The following UXS1 variants were observed in gnomAD, a reference collection of about 807,000 sequenced individuals.
UXS1 encodes the protein UDP-glucuronate decarboxylase 1.
A neutral mutation model predicts 62.6 loss-of-function variants in UXS1; 33 were observed. The ratio of observed to expected loss-of-function variants is 0.53; its 90% confidence interval spans 0.40 to 0.70. UXS1 has a LOEUF of 0.70. Among genes scored for constraint, UXS1 ranks in the 30% least tolerant of loss-of-function variants. The probability of loss-of-function intolerance (pLI) is 0.00; values close to 1 mark genes in which losing one functional copy is unlikely to be tolerated. For synonymous variants in UXS1, 213 were observed against 206.8 expected, an observed-to-expected ratio of 1.03 and a Z score of -0.26; for missense variants, 434 against 556.3, an observed-to-expected ratio of 0.78 and a Z score of 2.21.
chr2:106,155,368 T>C (rs1343351046), intron 5 of UXS1, among the ~76,000 whole-genome samples: 1 of 152,194 alleles, frequency 6.6e-6, no homozygotes, highest in African/African-American at 2.4e-5. Context: ...TTCTTTAGGC[T>C]GAAAGCAAGT....
intron 7 of UXS1, 23 bp from the exon 8 acceptor site, chr2:106,125,702 A>G: frequency 6.4e-7 from 1 of 1,552,094 alleles, no homozygotes; most frequent in Non-Finnish European, 8.7e-7. Flanking sequence ...ATGACATGAT[A>G]AAAGAGACTG....
chr2:106,194,026 C>CCGGGGCGGGGAGCAACG, intron 1 of UXS1, 122 bp downstream of exon 1: 1 of 668,700 alleles, frequency 1.5e-6, no homozygotes, highest in Non-Finnish European at 2.1e-6. Context: ...CCGGCCCCGC[C>CCGGGGCGGGGAGCAACG]CGGGGCGGGG....
chr2:106,155,510 G>A (rs1247765844), intron 5 of UXS1, among the ~76,000 whole-genome samples: 1 of 152,198 alleles, frequency 6.6e-6, no homozygotes, highest in Non-Finnish European at 1.5e-5. Flanking sequence ...TCCATTTGTG[G>A]TAAGTGGCCT....
At chr2:106,105,719 T>C (rs534596027) in intron 10 of UXS1, among the ~76,000 whole-genome samples, 2 of 152,314 alleles carry the variant, frequency 1.3e-5, no homozygotes, top group African/African-American at 4.8e-5. Context: ...CTGAATGACC[T>C]GCGGAGCGCC....
chr2:106,181,248 C>A (rs1306734610), intron 1 of UXS1, among the ~76,000 whole-genome samples: 1 of 152,202 alleles, frequency 6.6e-6, no homozygotes, highest in Non-Finnish European at 1.5e-5. Flanking sequence ...TTCTTCCCCG[C>A]TGCCAATCAC....
Position 106,104,855 on chromosome 2 carries a change from G to C in UXS1, c.880-18C>G, listed in dbSNP as rs763397699. On this transcript the variant is annotated intron_variant, in intron 10 of 14. Coordinates refer to ENST00000283148, the MANE Select transcript of UXS1 (RefSeq NM_001253875.2). ...CCGTATACCTGGAAGGAAACCAACAGTTAGGCCTCCTGATAAAACCACACC... is the reference window on the plus strand; with the variant it reads ...CCGTATACCTGGAAGGAAACCAACACTTAGGCCTCCTGATAAAACCACACC... 20 of 1,613,784 alleles carry C rather than the reference G, an allele frequency of 1.2e-5. No homozygotes were observed. In the South Asian group the frequency reaches 2.2e-4, roughly 18 times the overall value.
chr2:106,095,741 G>A (rs1677024828), intron 14 of UXS1, among the ~76,000 whole-genome samples: 1 of 152,208 alleles, frequency 6.6e-6, no homozygotes, highest in Non-Finnish European at 1.5e-5. Context: ...CCAGGCAGAG[G>A]TGACAGTAAA....
chr2:106,127,527 T>G (rs931085566), intron 7 of UXS1, among the ~76,000 whole-genome samples: 9 of 152,164 alleles, frequency 5.9e-5, no homozygotes, highest in African/African-American at 2.2e-4. Flanking sequence ...GAGACAACTG[T>G]CAGGGAGTGA....
intron 1 of UXS1, among the ~76,000 whole-genome samples, chr2:106,190,822 A>G (rs1684878366): frequency 6.6e-6 from 1 of 151,780 alleles, no homozygotes; most frequent in Admixed American, 6.6e-5. Flanking sequence ...TTGGCCCTGC[A>G]GAAGCTATTT....
chr2:106,116,581 T>G (rs1679079184), intron 9 of UXS1, among the ~76,000 whole-genome samples: 1 of 152,216 alleles, frequency 6.6e-6, no homozygotes, highest in Admixed American at 6.5e-5. Context: ...CTTGGACTAG[T>G]TCATTAACCC....
intron 1 of UXS1, among the ~76,000 whole-genome samples, chr2:106,178,795 G>A (rs1684066057): frequency 1.7e-5 from 2 of 118,684 alleles, no homozygotes; most frequent in African/African-American, 6.5e-5. Context: ...TCCATCACCT[G>A]CGGCAAGCTG....
rs1681033522 is a variant in UXS1 at position 106,140,747 on chromosome 2, T to C, written c.472+4443A>G. 1.3e-5 allele frequency among the ~76,000 whole-genome samples: 2 copies of C among 152,222 alleles called. 1 individual carries two copies. The highest frequency in any genetic ancestry group is 4.1e-4 in the South Asian group (2 of 4,834). On this transcript the variant is annotated intron_variant, in intron 6 of 14. Transcript: ENST00000283148. ...AGCGATTAGAATAGCATTTGGAATA[T>C]AGTTAAGTGTTAGCTATGGTCACTT...
intron 5 of UXS1, among the ~76,000 whole-genome samples, chr2:106,152,557 AGAAAGGAAG>A (rs56392949): frequency 0.32 from 47,402 of 147,786 alleles, 8,180 homozygotes; most frequent in Non-Finnish European, 0.38. Flanking sequence ...AAAGGGAGAA[AGAAAGGAAG>A]GAAAGGAAGG....
At chr2:106,152,324 C>T (rs1308325409) in intron 5 of UXS1, among the ~76,000 whole-genome samples, 1 of 151,996 alleles carries the variant, frequency 6.6e-6, no homozygotes, top group Non-Finnish European at 1.5e-5. Context: ...TGGTGGAGCA[C>T]ACCTGTAATC....
chr2:106,127,162 G>A (rs958062590), intron 7 of UXS1, among the ~76,000 whole-genome samples: 6 of 152,138 alleles, frequency 3.9e-5, no homozygotes, highest in African/African-American at 1.4e-4. Context: ...CATTCTGGTT[G>A]CTTCTCATTT....
At position 106,158,105 on chromosome 2, in the gene UXS1, AT is replaced by A; in HGVS notation, c.243del (p.Lys81AsnfsTer5). ...TCTGATAAAAACTTTACTGGTGGGT[AT>A]TTCTGGGTAAAGCTGTATAATATAA... ...IRDLEKSFTQ[K>X]YPPVKFLSEK... is the part of the protein sequence containing the mutation. On this transcript the variant is annotated frameshift_variant, in exon 5 of 15. Transcript: ENST00000283148. LOFTEE classifies it high-confidence loss of function. The A allele has an allele frequency of 6.4e-7, 1 of 1,564,968 alleles. No individual in the cohort carries two copies. Among genetic ancestry groups the A allele is most frequent in the Non-Finnish European group, 8.7e-7 (1 of 1,153,462 alleles).
chr2:106,107,989 C>A (rs556429937), intron 10 of UXS1, among the ~76,000 whole-genome samples: 1 of 152,340 alleles, frequency 6.6e-6, no homozygotes, highest in Admixed American at 6.5e-5. Flanking sequence ...AGGCGTGGAT[C>A]CCGTGGGACG....
At chr2:106,139,834 GTTCT>G (rs569771999) in intron 6 of UXS1, among the ~76,000 whole-genome samples, 1 of 152,174 alleles carries the variant, frequency 6.6e-6, no homozygotes, top group East Asian at 1.9e-4. Flanking sequence ...CAGTGGGTTA[GTTCT>G]TTCTGTGATA....
At chr2:106,111,516 A>G (rs1573422913) in intron 10 of UXS1, among the ~76,000 whole-genome samples, 1 of 152,192 alleles carries the variant, frequency 6.6e-6, no homozygotes, top group Non-Finnish European at 1.5e-5. Context: ...AACACAGACA[A>G]GGAGACACAC....
Sources: gnomAD v4.1 joint callset for allele counts (sites outside exome capture counted in the v4.1 genomes callset) on GRCh38, gnomAD v4.1.1 for gene constraint, MANE v1.5 for transcripts, NCBI Gene and HGNC (gene_info 2026-07-23, HGNC 2026-07-21) for gene names.